GRM8: variants seen among roughly 807,000 people sequenced by gnomAD.
GRM8 encodes metabotropic glutamate receptor 8.
Under a neutral mutation model 87.2 loss-of-function variants are expected in GRM8, and 47 were observed. That is an observed-to-expected ratio of 0.54 (90% CI 0.43 to 0.69). The LOEUF is 0.69. Ranked by LOEUF, GRM8 falls within the 30% of genes least tolerant of loss-of-function variation. The pLI is 0.00. For synonymous variants in GRM8, 396 were observed against 404.5 expected, an observed-to-expected ratio of 0.98 and a Z score of 0.25; for missense variants, 1,019 against 1,139.2, an observed-to-expected ratio of 0.89 and a Z score of 1.52.
chr7:127,197,624 G>A (rs906723592), intron 2 of GRM8, among the ~76,000 whole-genome samples: 2 of 151,770 alleles, frequency 1.3e-5, no homozygotes, highest in African/African-American at 4.8e-5. Context: ...AACAGCAAAG[G>A]GAAAACATCC....
At chr7:126,694,543 TTTC>T (rs1809173963) in intron 7 of GRM8, among the ~76,000 whole-genome samples, 1 of 152,218 alleles carries the variant, frequency 6.6e-6, no homozygotes, top group South Asian at 2.1e-4. Context: ...ACTCAATTTT[TTTC>T]TTCTCTTTTT....
At chr7:126,896,492 C>T (rs1801552120) in intron 6 of GRM8, among the ~76,000 whole-genome samples, 1 of 152,070 alleles carries the variant, frequency 6.6e-6, no homozygotes, top group African/African-American at 2.4e-5. Flanking sequence ...TGATGACTAC[C>T]TACTTCCTTC....
chr7:126,618,215 T>G (rs1340108966), intron 7 of GRM8, among the ~76,000 whole-genome samples: 2 of 151,962 alleles, frequency 1.3e-5, no homozygotes, highest in African/African-American at 4.8e-5. Flanking sequence ...CCCTCAGAAA[T>G]AATACCACAC....
chr7:127,136,291 C>T (rs748842114), intron 2 of GRM8, among the ~76,000 whole-genome samples: 2 of 152,074 alleles, frequency 1.3e-5, no homozygotes, highest in Non-Finnish European at 2.9e-5. Flanking sequence ...AAATCCAATA[C>T]ACTGCGAATA....
intron 2 of GRM8, among the ~76,000 whole-genome samples, chr7:127,184,190 G>T (rs1042354153): frequency 6.6e-6 from 1 of 151,690 alleles, no homozygotes; most frequent in African/African-American, 2.4e-5. Context: ...GAGCAAATAA[G>T]AATATTACAA....
At chr7:126,585,735 G>A (rs913590796) in intron 8 of GRM8, among the ~76,000 whole-genome samples, 1 of 152,102 alleles carries the variant, frequency 6.6e-6, no homozygotes, top group African/African-American at 2.4e-5. Flanking sequence ...TACTGAATGG[G>A]CAAAAACTGG....
At chr7:126,548,507 C>T (rs1817425335) in intron 8 of GRM8, among the ~76,000 whole-genome samples, 1 of 151,658 alleles carries the variant, frequency 6.6e-6, no homozygotes, top group African/African-American at 2.4e-5. Flanking sequence ...AAAAAATTTC[C>T]AAGAAAATAA....
intron 10 of GRM8, among the ~76,000 whole-genome samples, chr7:126,439,462 T>A (rs1233640756): frequency 2.0e-5 from 3 of 152,034 alleles, no homozygotes; most frequent in African/African-American, 4.8e-5. Flanking sequence ...ATAATTCACA[T>A]GTTTGTGGTT....
intron 7 of GRM8, among the ~76,000 whole-genome samples, chr7:126,729,880 A>G (rs2151479502): frequency 6.6e-6 from 1 of 152,302 alleles, no homozygotes; most frequent in Middle Eastern, 3.4e-3. Flanking sequence ...GATTGTCCTA[A>G]GCTACCTCTA....
chr7:127,102,950 C>T (rs537143959), intron 3 of GRM8, among the ~76,000 whole-genome samples: 1 of 152,318 alleles, frequency 6.6e-6, no homozygotes, highest in Admixed American at 6.5e-5. Flanking sequence ...GCAACCTCCA[C>T]CTCCCAGGTT....
chr7:126,741,470 G>T (rs186290628), intron 7 of GRM8, among the ~76,000 whole-genome samples: 8 of 152,212 alleles, frequency 5.3e-5, no homozygotes, highest in Admixed American at 3.3e-4. Context: ...CAAGGGTAGA[G>T]AATTTTGTAA....
At position 127,106,490 on chromosome 7, in the gene GRM8, G is replaced by T; in HGVS notation, c.727+6C>A. 3 of 1,604,444 alleles carry T rather than the reference G, an allele frequency of 1.9e-6. No homozygotes were observed. Among genetic ancestry groups the T allele is most frequent in the Middle Eastern group, 1.7e-4 (1 of 5,796 alleles). On this transcript the variant is annotated splice_donor_region_variant and intron_variant, in intron 3 of 10. Transcript: ENST00000339582. Reference sequence around the variant, plus strand: ...AAATACAATCATCTGATAAATATATGCTTACCAATCTCCCTCGAGATCTGG... The same window carrying T: ...AAATACAATCATCTGATAAATATATTCTTACCAATCTCCCTCGAGATCTGG...
At chr7:126,893,170 A>T (rs1308848632) in intron 6 of GRM8, among the ~76,000 whole-genome samples, 1 of 152,028 alleles carries the variant, frequency 6.6e-6, no homozygotes, top group African/African-American at 2.4e-5. Flanking sequence ...ATTTTTTTAG[A>T]AAAACAAAAC....
At chr7:126,582,387 C>T (rs9691497) in intron 8 of GRM8, among the ~76,000 whole-genome samples, 80,199 of 151,852 alleles carry the variant, frequency 0.53, 21,479 homozygotes, top group South Asian at 0.65. Flanking sequence ...AGCTCGAAGA[C>T]AGCAGAGGTT....
chr7:126,964,304 A>G (rs1405077949), intron 3 of GRM8, among the ~76,000 whole-genome samples: 1 of 152,236 alleles, frequency 6.6e-6, no homozygotes, highest in Non-Finnish European at 1.5e-5. Context: ...ACAAAAGCCA[A>G]AATTGACAAA....
chr7:127,052,414 C>A (rs1276108047), intron 3 of GRM8, among the ~76,000 whole-genome samples: 1 of 152,086 alleles, frequency 6.6e-6, no homozygotes, highest in Non-Finnish European at 1.5e-5. Context: ...TACAATGGCC[C>A]CAGCAAATGG....
chr7:126,554,399 G>C (rs1298796225), intron 8 of GRM8, among the ~76,000 whole-genome samples: 1 of 150,898 alleles, frequency 6.6e-6, no homozygotes, highest in Non-Finnish European at 1.5e-5. Context: ...AGATAACATA[G>C]CAAGACCCAA....
At chr7:127,076,906 T>C (rs919034743) in intron 3 of GRM8, among the ~76,000 whole-genome samples, 8 of 152,156 alleles carry the variant, frequency 5.3e-5, no homozygotes, top group African/African-American at 1.9e-4. Context: ...GTGGACAATT[T>C]AGGCCAATCA....
chr7:126,597,557 TA>T (rs1426455290), intron 8 of GRM8, among the ~76,000 whole-genome samples: 2 of 152,116 alleles, frequency 1.3e-5, no homozygotes, highest in Non-Finnish European at 2.9e-5. Context: ...CTTGTTATGT[TA>T]AAATTGTACT....
Sources: gnomAD v4.1 joint callset for allele counts (sites outside exome capture counted in the v4.1 genomes callset) on GRCh38, gnomAD v4.1.1 for gene constraint, MANE v1.5 for transcripts, NCBI Gene and HGNC (gene_info 2026-07-23, HGNC 2026-07-21) for gene names.